The following MAST4 variants were observed in gnomAD, a reference collection of about 807,000 sequenced individuals.
MAST4 encodes microtubule associated serine/threonine kinase family member 4.
In MAST4, 89 loss-of-function variants were observed where a neutral mutation model predicts 162.7. The ratio of observed to expected loss-of-function variants is 0.55; its 90% CI spans 0.46 to 0.65. The LOEUF (loss-of-function observed/expected upper bound fraction) is 0.65, where lower values mean the gene tolerates loss of function less well. Ranked by LOEUF, MAST4 falls within the 30% of genes least tolerant of loss-of-function variation. The probability of loss-of-function intolerance (pLI) is 0.00; values close to 1 mark genes in which losing one functional copy is unlikely to be tolerated. For synonymous variants in MAST4, 1,479 were observed against 1,361.1 expected (o/e 1.09, Z -1.91); for missense variants, 3,153 against 3,374.0 (o/e 0.93, Z 1.62).
intron 2 of MAST4, among the ~76,000 whole-genome samples, chr5:66,778,856 T>C (rs945979818): frequency 6.6e-6 from 1 of 152,232 alleles, no homozygotes. Flanking sequence ...GATTTCTGTA[T>C]TGTAGACATG....
intron 4 of MAST4, among the ~76,000 whole-genome samples, chr5:67,043,604 A>G (rs909118347): frequency 6.6e-6 from 1 of 152,228 alleles, no homozygotes; most frequent in African/African-American, 2.4e-5. Context: ...AATTAAATTG[A>G]TTAAAGTAAT....
intron 4 of MAST4, among the ~76,000 whole-genome samples, chr5:66,937,107 G>C (rs1237176809): frequency 6.6e-6 from 1 of 152,190 alleles, no homozygotes; most frequent in Non-Finnish European, 1.5e-5. Flanking sequence ...AGGTACTCAT[G>C]TTATTTTAAA....
At position 66,750,775 on chromosome 5, in the gene MAST4, G is replaced by C. The variant is rs185442772; in HGVS notation, c.364-8934G>C. Among the ~76,000 whole-genome samples the C allele has an allele frequency of 8.9e-3, 1,351 of 152,332 alleles. 20 individuals carry two copies. Among genetic ancestry groups the C allele is most frequent in the African/African-American group, 0.031 (1,287 of 41,564 alleles). On this transcript the variant is annotated intron_variant, in intron 1 of 28. Transcript: ENST00000403625. Reference sequence around the variant, plus strand: ...GGTAAACAAAGCAGAGGGGAAGCTCGAACTGGGTGGAGCCCACCACAGCTC... The same window carrying C: ...GGTAAACAAAGCAGAGGGGAAGCTCCAACTGGGTGGAGCCCACCACAGCTC...
At chr5:67,103,744 G>A (rs915216443) in intron 9 of MAST4, among the ~76,000 whole-genome samples, 1 of 152,172 alleles carries the variant, frequency 6.6e-6, no homozygotes, top group Non-Finnish European at 1.5e-5. Context: ...TAGCCCGAAA[G>A]ATACATTTTT....
chr5:67,064,756 T>C (rs751095527), intron 5 of MAST4, among the ~76,000 whole-genome samples: 6 of 152,142 alleles, frequency 3.9e-5, no homozygotes, highest in Non-Finnish European at 7.4e-5. Context: ...AGCAAGGAAA[T>C]CTAAAACTTT....
intron 3 of MAST4, among the ~76,000 whole-genome samples, chr5:66,820,089 G>A (rs79887712): frequency 7.3e-5 from 11 of 151,670 alleles, no homozygotes; most frequent in African/African-American, 2.2e-4. Context: ...CAAAGTGCTG[G>A]GATTATAGGT....
chr5:67,045,110 A>G (rs1757210249), intron 4 of MAST4, among the ~76,000 whole-genome samples: 1 of 152,266 alleles, frequency 6.6e-6, no homozygotes, highest in Middle Eastern at 3.2e-3. Context: ...TCTTGAAGGC[A>G]GGGACCACAT....
intron 3 of MAST4, among the ~76,000 whole-genome samples, chr5:66,877,765 A>G (rs898045397): frequency 5.9e-5 from 9 of 152,256 alleles, no homozygotes; most frequent in Non-Finnish European, 8.8e-5. Flanking sequence ...CAAGCAACAC[A>G]GAACAAGATG....
At position 67,095,619 on chromosome 5, in the gene MAST4, T is replaced by G; in HGVS notation, c.856T>G (p.Leu286Val). ...ARRTDGRRWS[L>V]ASLPSSGYGT... ...TAGGACTGATGGACGCCGCTGGTCG[T>G]TGGCTTCTCTCCCTTCCTCTGGCTA... The change falls in exon 7 of 29, where the codon TTG (leucine) becomes GTG (valine). Residue 286 changes from leucine to valine, a missense_variant. Leu to Val is a conservative substitution (Grantham distance 32, BLOSUM62 1). This residue lies in a region of MAST4 where 360 missense variants were observed against 450.0 expected (regional missense o/e 0.80). Coordinates refer to ENST00000403625, the MANE Select transcript of MAST4 (RefSeq NM_001164664.2). 6.2e-7 allele frequency: 1 copy of G among 1,610,344 alleles called. No homozygotes were observed. Among genetic ancestry groups the G allele is most frequent in the Admixed American group, 1.7e-5 (1 of 59,816 alleles).
At chr5:66,738,412 A>G (rs1322040859) in intron 1 of MAST4, among the ~76,000 whole-genome samples, 1 of 152,160 alleles carries the variant, frequency 6.6e-6, no homozygotes, top group Non-Finnish European at 1.5e-5. Context: ...GTATGCCTAG[A>G]AGGTGGAGAG....
chr5:66,846,639 A>C, intron 3 of MAST4, among the ~76,000 whole-genome samples: 1 of 152,304 alleles, frequency 6.6e-6, no homozygotes, highest in Non-Finnish European at 1.5e-5. Context: ...TATGGTATAA[A>C]ATTTCTGGAA....
At chr5:66,629,121 C>A (rs147375013) in intron 1 of MAST4, among the ~76,000 whole-genome samples, 126 of 152,264 alleles carry the variant, frequency 8.3e-4, no homozygotes, top group African/African-American at 2.8e-3. Flanking sequence ...AGGCTGAGGT[C>A]TTTCGGAAAT....
At chr5:66,911,568 C>T (rs867789975) in intron 4 of MAST4, among the ~76,000 whole-genome samples, 2 of 81,738 alleles carry the variant, frequency 2.4e-5, no homozygotes, top group Non-Finnish European at 5.4e-5. Context: ...ACCCCCCCCC[C>T]CCCCCCCGCA....
At chr5:67,036,918 G>A (rs777615185) in intron 4 of MAST4, among the ~76,000 whole-genome samples, 54 of 152,198 alleles carry the variant, frequency 3.5e-4, no homozygotes, top group Middle Eastern at 6.8e-3. Context: ...TTTATTCAGG[G>A]TTTTTAGGAG....
rs1333165179 is a variant in MAST4 at position 66,810,430 on chromosome 5, G to A, written c.642+21636G>A. 2.0e-5 allele frequency among the ~76,000 whole-genome samples: 3 copies of A among 152,194 alleles called. No homozygotes were observed. In the East Asian group the frequency reaches 5.8e-4, roughly 29 times the overall value. On this transcript the variant is annotated intron_variant, in intron 3 of 28. Transcript: ENST00000403625. ...GGTGTTGACACCCTGATTGGGATAT[G>A]GGAGAAGGAGTGCATGGGAAGTGTT...
chr5:66,660,113 C>T (rs12652474), intron 1 of MAST4, among the ~76,000 whole-genome samples: 2 of 152,034 alleles, frequency 1.3e-5, no homozygotes, highest in African/African-American at 2.4e-5. Context: ...GCGTGGCTGG[C>T]CACGGTGGCT....
chr5:66,721,345 T>C (rs1460930023), intron 1 of MAST4, among the ~76,000 whole-genome samples: 1 of 152,120 alleles, frequency 6.6e-6, no homozygotes, highest in Non-Finnish European at 1.5e-5. Flanking sequence ...GTCAATGTCA[T>C]AATCACCGCT....
At chr5:67,113,958 G>A in intron 11 of MAST4, 129 bp from the exon 12 acceptor site, 1 of 942,376 alleles carries the variant, frequency 1.1e-6, no homozygotes, top group Non-Finnish European at 1.6e-6. Flanking sequence ...AAAGCCATTT[G>A]CCTCCTTTCT....
intron 4 of MAST4, among the ~76,000 whole-genome samples, chr5:66,932,683 G>GGT (rs1742312274): frequency 6.6e-6 from 1 of 152,074 alleles, no homozygotes; most frequent in Non-Finnish European, 1.5e-5. Flanking sequence ...GCTATGCGTG[G>GGT]GTCATGGGTT....
Sources: gnomAD v4.1 joint callset for allele counts (sites outside exome capture counted in the v4.1 genomes callset) on GRCh38, gnomAD v4.1.1 for gene constraint, gnomAD v4.1.1 regional missense constraint, MANE v1.5 for transcripts, NCBI Gene and HGNC (gene_info 2026-07-23, HGNC 2026-07-21) for gene names.